C1orf105: variants seen among roughly 807,000 people sequenced by gnomAD.
The protein encoded by C1orf105 is chromosome 1 open reading frame 105, also known as uncharacterized protein C1orf105.
A neutral mutation model predicts 20.8 loss-of-function variants in C1orf105; 17 were observed. The ratio of observed to expected loss-of-function variants is 0.82; its 90% CI spans 0.56 to 1.23. C1orf105 has a LOEUF of 1.23. Ranked by LOEUF, C1orf105 falls within the 50% of genes most tolerant of loss-of-function variation. The pLI is 0.00. For synonymous variants in C1orf105, 72 were observed against 72.1 expected, an observed-to-expected ratio of 1.00 and a Z score of 0.01; for missense variants, 219 against 213.5, an observed-to-expected ratio of 1.03 and a Z score of -0.16.
intron 1 of C1orf105, among the ~76,000 whole-genome samples, chr1:172,437,405 A>G (rs1328917544): frequency 6.6e-6 from 1 of 152,088 alleles, no homozygotes; most frequent in Admixed American, 6.5e-5. Context: ...CTATGCAGCC[A>G]TAAAAAAGGA....
intron 1 of C1orf105, among the ~76,000 whole-genome samples, chr1:172,440,504 T>C (rs971992499): frequency 2.6e-5 from 4 of 152,324 alleles, no homozygotes; most frequent in South Asian, 4.1e-4. Flanking sequence ...AACTGAGACA[T>C]AGAACAGTTG....
At chr1:172,442,978 T>A (rs1232599478) in intron 1 of C1orf105, 1 of 202,696 alleles carries the variant, frequency 4.9e-6, no homozygotes, top group African/African-American at 2.4e-5. Flanking sequence ...CATTTCAGAT[T>A]TGAAAATTAT....
rs1573851483 is a variant in C1orf105 at position 172,441,180 on chromosome 1, T to C, written c.22-3893T>C. On this transcript the variant is annotated intron_variant, in intron 1 of 6. Transcript: ENST00000367727. ...GACACATCACACTCTGCTTTGCAAT[T>C]AGTTGTGATATGCTTCCCTAAGAAC... 2.0e-5 allele frequency among the ~76,000 whole-genome samples: 3 copies of C among 152,346 alleles called. No homozygotes were observed. In the South Asian group the frequency reaches 6.2e-4, roughly 32 times the overall value.
At position 172,438,429 on chromosome 1, in the gene C1orf105, C is replaced by T. The variant is rs368079287; in HGVS notation, c.22-6644C>T. On this transcript the variant is annotated intron_variant, in intron 1 of 6. Coordinates refer to ENST00000367727, the MANE Select transcript of C1orf105 (RefSeq NM_139240.4). Reference sequence around the variant, plus strand: ...TACTCTGAGAGGTTCGAGACTTCAGCGGAGCAAATAACTGCAGATGTGGTG... The same window carrying T: ...TACTCTGAGAGGTTCGAGACTTCAGTGGAGCAAATAACTGCAGATGTGGTG... Among the ~76,000 whole-genome samples the T allele has an allele frequency of 4.6e-5, 7 of 152,078 alleles. No homozygotes were observed. In the South Asian group the frequency reaches 6.2e-4, roughly 14 times the overall value.
chr1:172,461,314 A>G (rs1052374393), intron 4 of C1orf105, among the ~76,000 whole-genome samples: 5 of 151,890 alleles, frequency 3.3e-5, no homozygotes, highest in African/African-American at 1.2e-4. Context: ...AAGGTCCTTA[A>G]TACATTGTAA....
chr1:172,458,551 A>C (rs922907651), intron 4 of C1orf105, among the ~76,000 whole-genome samples: 2 of 152,214 alleles, frequency 1.3e-5, no homozygotes, highest in Non-Finnish European at 2.9e-5. Flanking sequence ...AAAATTTAAA[A>C]GGCCTAAATA....
intron 1 of C1orf105, among the ~76,000 whole-genome samples, chr1:172,428,160 C>A (rs535233007): frequency 6.6e-6 from 1 of 152,270 alleles, no homozygotes; most frequent in South Asian, 2.1e-4. Flanking sequence ...ATCAGGTAGC[C>A]CCACTGTCTT....
At chr1:172,428,647 C>T (rs550487728) in intron 1 of C1orf105, 2 of 495,432 alleles carry the variant, frequency 4.0e-6, no homozygotes, top group South Asian at 6.2e-5. Flanking sequence ...TCCCATGAGA[C>T]CTACTCTGAC....
chr1:172,455,217 T>C (rs574281912), intron 3 of C1orf105, among the ~76,000 whole-genome samples: 8 of 152,276 alleles, frequency 5.3e-5, no homozygotes, highest in Admixed American at 1.3e-4. Context: ...AAACCCCCCA[T>C]GATGCATCAC....
chr1:172,461,579 C>G (rs1417342454), intron 4 of C1orf105, among the ~76,000 whole-genome samples: 2 of 152,158 alleles, frequency 1.3e-5, no homozygotes, highest in Non-Finnish European at 2.9e-5. Context: ...AATACTGTAA[C>G]TGTACATTGA....
chr1:172,450,475 T>A (rs4916187), intron 3 of C1orf105, among the ~76,000 whole-genome samples: 2 of 152,118 alleles, frequency 1.3e-5, no homozygotes, highest in African/African-American at 4.8e-5. Flanking sequence ...TGGATTCAGC[T>A]GGCAGCTGCT....
chr1:172,460,121 G>T (rs2149189997), intron 4 of C1orf105, among the ~76,000 whole-genome samples: 1 of 152,162 alleles, frequency 6.6e-6, no homozygotes, highest in African/African-American at 2.4e-5. Context: ...AATAAACAAT[G>T]GTGGTTGTTT....
intron 4 of C1orf105, among the ~76,000 whole-genome samples, chr1:172,459,364 G>A (rs1431110162): frequency 6.6e-6 from 1 of 152,090 alleles, no homozygotes; most frequent in Non-Finnish European, 1.5e-5. Flanking sequence ...AAACACTCTA[G>A]TTGAAAAGTG....
intron 4 of C1orf105, among the ~76,000 whole-genome samples, chr1:172,460,293 C>T (rs1402542005): frequency 6.6e-6 from 1 of 152,170 alleles, no homozygotes; most frequent in East Asian, 1.9e-4. Flanking sequence ...TATGTAACTA[C>T]TCATATTCCT....
chr1:172,429,404 T>C (rs1157104287), intron 1 of C1orf105, among the ~76,000 whole-genome samples: 1 of 152,224 alleles, frequency 6.6e-6, no homozygotes, highest in Admixed American at 6.5e-5. Context: ...TTAATTCAGG[T>C]GTAGTTATTT....
At chr1:172,468,067 G>T (rs937689380) in intron 6 of C1orf105, among the ~76,000 whole-genome samples, 2 of 151,990 alleles carry the variant, frequency 1.3e-5, no homozygotes, top group African/African-American at 2.4e-5. Context: ...AGTCTCCTGA[G>T]AATTGAATCC....
At chr1:172,437,371 G>A (rs1236135484) in intron 1 of C1orf105, among the ~76,000 whole-genome samples, 1 of 152,104 alleles carries the variant, frequency 6.6e-6, no homozygotes, top group Non-Finnish European at 1.5e-5. Flanking sequence ...TTATGAAAAT[G>A]TGGTACATAT....
chr1:172,465,261 C>G (rs1649959684), intron 5 of C1orf105, 38 bp from the exon 6 acceptor site: 2 of 1,383,246 alleles, frequency 1.4e-6, no homozygotes, highest in Non-Finnish European at 2.0e-6. Context: ...CAAGCCCTAG[C>G]CAATTGACTA....
chr1:172,449,215 A>C (rs1250598105), intron 3 of C1orf105, among the ~76,000 whole-genome samples: 4 of 152,132 alleles, frequency 2.6e-5, no homozygotes, highest in Non-Finnish European at 5.9e-5. Flanking sequence ...GGTGTCAGTC[A>C]ATATATGTTT....
Sources: allele counts gnomAD v4.1 joint callset (sites outside exome capture counted in the v4.1 genomes callset), GRCh38; gene constraint gnomAD v4.1.1; transcripts MANE v1.5; gene names NCBI Gene and HGNC (gene_info 2026-07-23, HGNC 2026-07-21).